OSTN: variants seen among roughly 807,000 people sequenced by gnomAD.
The protein encoded by OSTN is osteocrin.
In OSTN, 9 loss-of-function variants were observed where a neutral mutation model predicts 12.0. The ratio of observed to expected loss-of-function variants is 0.75; its 90% confidence interval spans 0.45 to 1.30. The LOEUF (loss-of-function observed/expected upper bound fraction) is 1.30, where lower values mean the gene tolerates loss of function less well. OSTN is among the 50% of genes most tolerant of loss of function. The probability of loss-of-function intolerance (pLI) is 0.00; values close to 1 mark genes in which losing one functional copy is unlikely to be tolerated. For missense variants in OSTN, 148 were observed against 152.3 expected, an observed-to-expected ratio of 0.97 and a Z score of 0.15; for synonymous variants, 59 against 56.9, an observed-to-expected ratio of 1.04 and a Z score of -0.16.
intron 1 of OSTN, among the ~76,000 whole-genome samples, chr3:191,205,914 G>T (rs1714262728): frequency 6.6e-6 from 1 of 152,218 alleles, no homozygotes; most frequent in Non-Finnish European, 1.5e-5. Flanking sequence ...GCCTGGCACA[G>T]TGGCTCATGC....
intron 3 of OSTN, among the ~76,000 whole-genome samples, chr3:191,247,914 A>C (rs767250320): frequency 5.3e-5 from 8 of 152,148 alleles, no homozygotes; most frequent in Non-Finnish European, 1.2e-4. Flanking sequence ...GCTCACTGCA[A>C]ACTCAGCCTC....
chr3:191,203,769 G>A (rs1714205821), intron 1 of OSTN, among the ~76,000 whole-genome samples: 1 of 152,208 alleles, frequency 6.6e-6, no homozygotes, highest in Non-Finnish European at 1.5e-5. Context: ...CTGGGAGTCT[G>A]AAAATGAAAG....
rs377337371 is a variant in OSTN at position 191,207,624 on chromosome 3, C to A, written c.1-4909C>A. 1.7e-3 allele frequency among the ~76,000 whole-genome samples: 257 copies of A among 152,268 alleles called. 1 individual carries two copies. Among genetic ancestry groups the A allele is most frequent in the African/African-American group, 5.9e-3 (245 of 41,556 alleles). On this transcript the variant is annotated intron_variant, in intron 1 of 4. Coordinates refer to ENST00000682035, the MANE Select transcript of OSTN (RefSeq NM_198184.2). ...GACTTTTTTCACAATAAAAATAGCTCATTGCAACACTGATTCCTACTAATA... is the reference window on the plus strand; with the variant it reads ...GACTTTTTTCACAATAAAAATAGCTAATTGCAACACTGATTCCTACTAATA...
At chr3:191,205,743 GTCTT>G (rs1227778018) in intron 1 of OSTN, among the ~76,000 whole-genome samples, 8 of 151,976 alleles carry the variant, frequency 5.3e-5, no homozygotes, top group Non-Finnish European at 8.8e-5. Flanking sequence ...TATCATACAA[GTCTT>G]TCTTTCTCTC....
At chr3:191,207,991 C>A (rs1264607142) in intron 1 of OSTN, among the ~76,000 whole-genome samples, 1 of 152,098 alleles carries the variant, frequency 6.6e-6, no homozygotes. Context: ...TTATTTAAAA[C>A]GTCAAAACAC....
chr3:191,231,944 T>C (rs899766513), intron 3 of OSTN, among the ~76,000 whole-genome samples: 3 of 152,084 alleles, frequency 2.0e-5, no homozygotes, highest in African/African-American at 7.2e-5. Context: ...TCAAAAACAA[T>C]TTTTTAATTA....
chr3:191,253,654 C>A (rs1418538509), intron 4 of OSTN, among the ~76,000 whole-genome samples: 2 of 152,054 alleles, frequency 1.3e-5, no homozygotes, highest in African/African-American at 2.4e-5. Flanking sequence ...GTAGATGAAA[C>A]CTCATTGGCA....
intron 3 of OSTN, among the ~76,000 whole-genome samples, chr3:191,232,810 T>C (rs1715095092): frequency 6.6e-6 from 1 of 152,114 alleles, no homozygotes; most frequent in Non-Finnish European, 1.5e-5. Flanking sequence ...GGACTGTGTT[T>C]CTCCATGTTG....
chr3:191,223,044 C>T lies in OSTN; in HGVS notation c.317+4083C>T, dbSNP rs552997753. Among the ~76,000 whole-genome samples, 51 of 152,012 alleles carry T rather than the reference C, an allele frequency of 3.4e-4. 2 individuals are homozygous for T. The South Asian group carries it at 9.2e-3, about 27-fold the overall frequency. On this transcript the variant is annotated intron_variant, in intron 3 of 4. Transcript: ENST00000682035. ...TTTAAAATTAAATTAAAATTCTTTC[C>T]TTTATGAATTACCCAGTCTCAGGTA...
intron 4 of OSTN, among the ~76,000 whole-genome samples, chr3:191,258,930 A>G (rs1715737925): frequency 6.6e-6 from 1 of 152,218 alleles, no homozygotes; most frequent in Admixed American, 6.5e-5. Flanking sequence ...ATAATACCAA[A>G]TAATTTCTGG....
intron 1 of OSTN, among the ~76,000 whole-genome samples, chr3:191,208,424 G>C (rs1714336292): frequency 6.6e-6 from 1 of 152,192 alleles, no homozygotes; most frequent in African/African-American, 2.4e-5. Flanking sequence ...GTTTTCATTA[G>C]TGTACCAAAT....
intron 4 of OSTN, among the ~76,000 whole-genome samples, chr3:191,259,948 C>T (rs980044967): frequency 2.0e-5 from 3 of 150,638 alleles, no homozygotes; most frequent in South Asian, 2.1e-4. Flanking sequence ...TCCACCTCCC[C>T]GGTTCAAGTG....
At chr3:191,229,892 C>G (rs964873593) in intron 3 of OSTN, 4 of 151,942 alleles carry the variant, frequency 2.6e-5, no homozygotes, top group African/African-American at 9.7e-5. Flanking sequence ...TGGTGAAACC[C>G]CGTCTCTACA....
In OSTN at chr3:191,262,149, C is replaced by T. The variant is rs143522211; in HGVS notation, c.*13-717C>T. 2.1e-3 allele frequency among the ~76,000 whole-genome samples: 323 copies of T among 152,236 alleles called. 2 individuals are homozygous for T. The highest frequency in any genetic ancestry group is 7.4e-3 in the African/African-American group (307 of 41,544). On this transcript the variant is annotated intron_variant, in intron 4 of 4. Coordinates refer to ENST00000682035, the MANE Select transcript of OSTN (RefSeq NM_198184.2). ...AGGAGAATCGCTTGAACCCGGAAGG[C>T]GGAGGCTGCAGTGAGCTGAGGTCGC...
chr3:191,218,572 G>A (rs949838863), intron 2 of OSTN, among the ~76,000 whole-genome samples, 175 bp from the exon 3 acceptor site: 3 of 152,190 alleles, frequency 2.0e-5, no homozygotes, highest in African/African-American at 4.8e-5. Flanking sequence ...GCAGTGAGCC[G>A]AGATCACGCC....
At position 191,225,898 on chromosome 3, in the gene OSTN, A is replaced by G. The variant is rs573731123; in HGVS notation, c.317+6937A>G. ...TGTTCACTATATAGGTGATGGATTCACTAAAATCTCAAACCCCAGCATCGC... is the reference window on the plus strand; with the variant it reads ...TGTTCACTATATAGGTGATGGATTCGCTAAAATCTCAAACCCCAGCATCGC... On this transcript the variant is annotated intron_variant, in intron 3 of 4. Coordinates refer to ENST00000682035, the MANE Select transcript of OSTN (RefSeq NM_198184.2). 2.0e-5 allele frequency among the ~76,000 whole-genome samples: 3 copies of G among 152,272 alleles called. No homozygotes were observed. In the East Asian group the frequency reaches 5.8e-4, roughly 29 times the overall value.
chr3:191,230,281 C>T (rs138031531), intron 3 of OSTN, among the ~76,000 whole-genome samples: 2 of 151,226 alleles, frequency 1.3e-5, no homozygotes, highest in African/African-American at 4.9e-5. Flanking sequence ...AGGGCACATT[C>T]TTGGCTGGGC....
At chr3:191,226,592 A>C (rs1215026017) in intron 3 of OSTN, among the ~76,000 whole-genome samples, 1 of 152,206 alleles carries the variant, frequency 6.6e-6, no homozygotes, top group Non-Finnish European at 1.5e-5. Flanking sequence ...ATTTGAAAGA[A>C]TAAAAGCTGG....
At chr3:191,244,389 G>C (rs996143780) in intron 3 of OSTN, among the ~76,000 whole-genome samples, 3 of 151,496 alleles carry the variant, frequency 2.0e-5, no homozygotes, top group Admixed American at 6.6e-5. Context: ...TTTCAGAATG[G>C]AAAACGTGGG....
Sources: gnomAD v4.1 joint callset for allele counts (sites outside exome capture counted in the v4.1 genomes callset) on GRCh38, gnomAD v4.1.1 for gene constraint, MANE v1.5 for transcripts, NCBI Gene and HGNC (gene_info 2026-07-23, HGNC 2026-07-21) for gene names.